The following MRPS15 variants were observed in gnomAD, a reference collection of about 807,000 sequenced individuals.
The protein encoded by MRPS15 is mitochondrial ribosomal protein S15.
In MRPS15, 25 loss-of-function variants were observed where a neutral mutation model predicts 30.7. That is an observed-to-expected ratio of 0.81 (90% CI 0.59 to 1.14). MRPS15 has a LOEUF of 1.14. Among genes scored for constraint, MRPS15 ranks in the 50% most tolerant of loss-of-function variants. The pLI is 0.00. For synonymous variants in MRPS15, 124 were observed against 120.1 expected (o/e 1.03, Z -0.21); for missense variants, 313 against 321.7 (o/e 0.97, Z 0.21).
At chr1:36,456,810 C>T (rs138484841) in intron 6 of MRPS15, among the ~76,000 whole-genome samples, 126 of 152,328 alleles carry the variant, frequency 8.3e-4, no homozygotes, top group African/African-American at 2.9e-3. Flanking sequence ...TGCTGTCCCA[C>T]ACCTCAAATA....
intron 6 of MRPS15, among the ~76,000 whole-genome samples, chr1:36,457,287 A>AT (rs1406830121): frequency 2.0e-4 from 29 of 148,708 alleles, no homozygotes; most frequent in Middle Eastern, 3.4e-3. Context: ...AAAAAAAAAA[A>AT]AAAATATATA....
chr1:36,463,798 A>C lies in MRPS15; in HGVS notation c.175+8T>G. The C allele has an allele frequency of 6.2e-7, 1 of 1,609,900 alleles. No homozygotes were observed. The highest frequency in any genetic ancestry group is 8.5e-7 in the Non-Finnish European group (1 of 1,177,898). Reference sequence around the variant, plus strand: ...TTCCGCCCCAAGTCCCACCTTAGGAACTCCTACCTGGTTTCCGGACGACAT... The same window carrying C: ...TTCCGCCCCAAGTCCCACCTTAGGACCTCCTACCTGGTTTCCGGACGACAT... On this transcript the variant is annotated splice_region_variant and intron_variant, in intron 2 of 7. Transcript: ENST00000373116.
chr1:36,461,112 C>T, intron 4 of MRPS15, 152 bp downstream of exon 4: 3 of 765,522 alleles, frequency 3.9e-6, no homozygotes, highest in Non-Finnish European at 2.3e-6. Flanking sequence ...CCTGAAGATG[C>T]TCTGTCTAGG....
intron 2 of MRPS15, among the ~76,000 whole-genome samples, chr1:36,463,471 G>A (rs1452239525): frequency 1.3e-5 from 2 of 152,182 alleles, no homozygotes; most frequent in African/African-American, 4.8e-5. Flanking sequence ...TATGCATACT[G>A]AGTTGCAATG....
In MRPS15 at chr1:36,456,381, G is replaced by A. The variant is rs778968478; in HGVS notation, c.445-3C>T. ...AGATAGCGTTTGTGGGCTTTGTCCT[G>A]CAAGAGATTCTCATTACTTTTAGTA... On this transcript the variant is annotated splice_region_variant and splice_polypyrimidine_tract_variant and intron_variant, in intron 6 of 7. Coordinates refer to ENST00000373116, the MANE Select transcript of MRPS15 (RefSeq NM_031280.4). The A allele has an allele frequency of 1.9e-5, 30 of 1,590,800 alleles. No individual in the cohort carries two copies. The highest frequency in any genetic ancestry group is 2.5e-5 in the Non-Finnish European group (29 of 1,165,696).
At chr1:36,463,950 G>A (rs2124086190) in intron 1 of MRPS15, 100 bp from the exon 2 acceptor site, 2 of 1,522,270 alleles carry the variant, frequency 1.3e-6, no homozygotes, top group Non-Finnish European at 1.8e-6. Context: ...CGGTCTATGC[G>A]CTTCTGAACC....
rs190851583 is a variant in MRPS15 at position 36,456,247 on chromosome 1, G to T, written c.576C>A (p.Pro192=). 1.2e-6 allele frequency: 2 copies of T among 1,614,090 alleles called. No individual in the cohort carries two copies. The highest frequency in any genetic ancestry group is 1.7e-5 in the Admixed American group (1 of 60,002). ...CWGLGIEYTF[P]PLYYRRAHRR... is the part of the protein sequence containing the mutation. ...GGTGGGCTCTTCGGTAATACAGAGG[G>T]GGGAAGGTGTACTCAATTCCCAGCC... The change falls in exon 7 of 8, where the codon CCC becomes CCA. Residue 192 remains proline (P), a synonymous_variant. Transcript: ENST00000373116.
intron 6 of MRPS15, among the ~76,000 whole-genome samples, chr1:36,457,686 C>T (rs1321421417): frequency 6.6e-6 from 1 of 152,136 alleles, no homozygotes; most frequent in African/African-American, 2.4e-5. Context: ...ATGCATTCAA[C>T]AAATATTTAC....
At position 36,463,815 on chromosome 1, in the gene MRPS15, G is replaced by C. The variant is rs370062359; in HGVS notation, c.166C>G (p.Arg56Gly). The part of the protein sequence containing the change: ...LLQAARGYVV[R>G]KPAQSRLDDD... The stretch of plus-strand genomic sequence containing the variant: ...CCTTAGGAACTCCTACCTGGTTTCC[G>C]GACGACATATCCGCGCGCGGCCTGG... Residue 56 changes from arginine to glycine, a missense_variant, in exon 2 of 8, where the codon CGG (arginine) becomes GGG (glycine). Coordinates refer to ENST00000373116, the MANE Select transcript of MRPS15 (RefSeq NM_031280.4). 3.1e-6 allele frequency: 5 copies of C among 1,612,230 alleles called. No individual in the cohort carries two copies. The African/African-American group carries it at 6.7e-5, about 22-fold the overall frequency.
At chr1:36,457,334 A>G (rs1303512942) in intron 6 of MRPS15, among the ~76,000 whole-genome samples, 2 of 151,968 alleles carry the variant, frequency 1.3e-5, no homozygotes, top group African/African-American at 4.8e-5. Context: ...CCTTGTTTCA[A>G]GGTCTCAGTA....
rs781125741 is a variant in MRPS15, at chr1:36,464,199, G to A, written c.77C>T (p.Pro26Leu). Reference protein sequence around the residue: ...AVTQVLVPGLPGGGSAKFPFN... With the variant: ...AVTQVLVPGLLGGGSAKFPFN... ...AGGAAACTTGGCGCTCCCACCGCCC[G>A]GCAGCCCGGGTACTAGGACCTGGGT... The change falls in exon 1 of 8, where the codon CCG becomes CTG. Residue 26 changes from proline (P) to leucine (L), a missense_variant. Coordinates refer to ENST00000373116, the MANE Select transcript of MRPS15 (RefSeq NM_031280.4). The A allele has an allele frequency of 6.2e-6, 10 of 1,614,054 alleles. No homozygotes were observed. In the East Asian group the frequency reaches 1.1e-4, roughly 18 times the overall value.
chr1:36,456,113 A>G, intron 7 of MRPS15, 74 bp downstream of exon 7: 1 of 1,527,074 alleles, frequency 6.5e-7, no homozygotes, highest in East Asian at 2.3e-5. Context: ...ACAGAAACAG[A>G]TGATCCCTCC....
Position 36,464,195 on chromosome 1 carries a change from G to A in MRPS15, c.81C>T (p.Gly27=), listed in dbSNP as rs769038165. ...VTQVLVPGLP[G]GGSAKFPFNQ... ...TGAAAGGAAACTTGGCGCTCCCACC[G>A]CCCGGCAGCCCGGGTACTAGGACCT... Residue 27 remains glycine, a synonymous_variant, in exon 1 of 8, where the codon GGC becomes GGT. Coordinates refer to ENST00000373116, the MANE Select transcript of MRPS15 (RefSeq NM_031280.4). The A allele has an allele frequency of 6.2e-7, 1 of 1,613,940 alleles. No homozygotes were observed. The highest frequency in any genetic ancestry group is 1.1e-5 in the South Asian group (1 of 91,066).
At chr1:36,457,769 G>T (rs1469252498) in intron 6 of MRPS15, among the ~76,000 whole-genome samples, 154 bp downstream of exon 6, 1 of 152,184 alleles carries the variant, frequency 6.6e-6, no homozygotes, top group Non-Finnish European at 1.5e-5. Context: ...GTGACACTCA[G>T]CATGGCCTTG....
intron 2 of MRPS15, among the ~76,000 whole-genome samples, chr1:36,462,848 T>C (rs1650124085): frequency 6.6e-6 from 1 of 152,238 alleles, no homozygotes; most frequent in Non-Finnish European, 1.5e-5. Context: ...CTTATTTTAT[T>C]TTTTGTAGAG....
intron 2 of MRPS15, among the ~76,000 whole-genome samples, chr1:36,462,879 C>A: frequency 6.6e-6 from 1 of 152,100 alleles, no homozygotes; most frequent in East Asian, 1.9e-4. Flanking sequence ...GCTATGTTGC[C>A]CAGGCTGGTC....
At position 36,464,337 on chromosome 1, in the gene MRPS15, G is replaced by A; in HGVS notation, c.-62C>T. 6.4e-7 allele frequency: 1 copy of A among 1,563,440 alleles called. No homozygotes were observed. Among genetic ancestry groups the A allele is most frequent in the Non-Finnish European group, 8.7e-7 (1 of 1,154,828 alleles). On this transcript the variant is annotated 5_prime_UTR_variant, in exon 1 of 8. Transcript: ENST00000373116. ...CGCCGTTCGCTTTGCGGCACGGACC[G>A]GGTTACATGGGCGCCGCCATGCTGG...
chr1:36,460,918 C>A, intron 4 of MRPS15, 142 bp from the exon 5 acceptor site: 1 of 688,730 alleles, frequency 1.5e-6, no homozygotes, highest in Non-Finnish European at 2.5e-6. Flanking sequence ...CTCACTGTGG[C>A]CTTGACCAAC....
At position 36,458,190 on chromosome 1, in the gene MRPS15, C is replaced by T. The variant is rs548164319; in HGVS notation, c.386-209G>A. ...AAAGCAAAATCCAAGGAAGGGACAT[C>T]CCTTAATATTATAAAGATATCATCC... On this transcript the variant is annotated intron_variant, in intron 5 of 7. Coordinates refer to ENST00000373116, the MANE Select transcript of MRPS15 (RefSeq NM_031280.4). This position sits in a 1 kb window ranked among gnomAD's most constrained non-coding sequence, Gnocchi z 4.5. The T allele has an allele frequency of 3.8e-6, 2 of 519,712 alleles. No individual in the cohort carries two copies. Among genetic ancestry groups the T allele is most frequent in the Admixed American group, 3.5e-5 (1 of 28,846 alleles). The allele number at this position is 519,712 out of a possible 1,614,324, so 32.2% of individuals were successfully genotyped here.
Sources: gnomAD v4.1 joint callset for allele counts (sites outside exome capture counted in the v4.1 genomes callset) on GRCh38, gnomAD v4.1.1 for gene constraint, Gnocchi (gnomAD v3.1) non-coding constraint, MANE v1.5 for transcripts, NCBI Gene and HGNC (gene_info 2026-07-23, HGNC 2026-07-21) for gene names.